The following PCDH15 variants were observed in gnomAD, a reference collection of about 807,000 sequenced individuals.
PCDH15 encodes protocadherin related 15.
Under a neutral mutation model 178.5 loss-of-function variants are expected in PCDH15, and 129 were observed. The observed-to-expected ratio is 0.72, with a 90% CI of 0.63 to 0.84. PCDH15 has a LOEUF of 0.84. Among genes scored for constraint, PCDH15 ranks in the 40% least tolerant of loss-of-function variants. PCDH15 has a pLI of 0.00. For missense variants in PCDH15, 2,230 were observed against 2,099.9 expected (o/e 1.06, Z -1.21); for synonymous variants, 800 against 732.0 (o/e 1.09, Z -1.50).
chr10:54,087,087 C>T (rs11004061), intron 16 of PCDH15, among the ~76,000 whole-genome samples: 3,703 of 152,232 alleles, frequency 0.024, 67 homozygotes, highest in Middle Eastern at 0.048. Flanking sequence ...TCTTAAGAGA[C>T]CTGGGCTTCC....
intron 2 of PCDH15, among the ~76,000 whole-genome samples, chr10:55,027,077 G>C (rs1220614656): frequency 6.6e-6 from 1 of 151,970 alleles, no homozygotes; most frequent in Non-Finnish European, 1.5e-5. Flanking sequence ...TGTAATGGAT[G>C]AAAGGTTAGC....
At chr10:54,575,743 C>A (rs540163745) in intron 2 of PCDH15, among the ~76,000 whole-genome samples, 1 of 152,198 alleles carries the variant, frequency 6.6e-6, no homozygotes, top group African/African-American at 2.4e-5. Context: ...TAGTAATAAA[C>A]AAGTCAACTG....
Position 53,846,212 on chromosome 10 carries a change from T to G in PCDH15, c.3807-5716A>C, listed in dbSNP as rs564430462. 3.8e-4 allele frequency among the ~76,000 whole-genome samples: 57 copies of G among 151,980 alleles called. 1 individual carries two copies. The highest frequency in any genetic ancestry group is 6.8e-3 in the Middle Eastern group (2 of 294). ...AAAACAGAGAACTGGCTGTGATTGG[T>G]CTTCTAAAAAGTGAAAAATATGTTA... On this transcript the variant is annotated intron_variant, in intron 28 of 37. Transcript: ENST00000644397.
intron 21 of PCDH15, among the ~76,000 whole-genome samples, chr10:53,981,064 C>A (rs915264388): frequency 6.6e-6 from 1 of 152,032 alleles, no homozygotes; most frequent in African/African-American, 2.4e-5. Context: ...ACATGAATAA[C>A]ACATGGCAGA....
intron 2 of PCDH15, among the ~76,000 whole-genome samples, chr10:54,574,919 G>T (rs955730216): frequency 6.8e-6 from 1 of 148,016 alleles, no homozygotes; most frequent in Non-Finnish European, 1.5e-5. Flanking sequence ...AACAATGATA[G>T]ACTGGATTAA....
At chr10:54,345,541 T>TA (rs886889521) in intron 6 of PCDH15, among the ~76,000 whole-genome samples, 3 of 151,656 alleles carry the variant, frequency 2.0e-5, no homozygotes, top group Admixed American at 1.3e-4. Flanking sequence ...TAGCTTCAGT[T>TA]AAAAAAAATC....
At chr10:54,245,883 C>A (rs759861520) in intron 8 of PCDH15, among the ~76,000 whole-genome samples, 1 of 151,830 alleles carries the variant, frequency 6.6e-6, no homozygotes, top group African/African-American at 2.4e-5. Context: ...GTACAATATA[C>A]AATTTGCTTT....
At chr10:53,977,218 T>C (rs367794831) in intron 21 of PCDH15, among the ~76,000 whole-genome samples, 1 of 152,182 alleles carries the variant, frequency 6.6e-6, no homozygotes, top group Non-Finnish European at 1.5e-5. Context: ...CAACAGGACC[T>C]AGACCAAGGA....
chr10:54,734,625 T>C (rs1943840035), intron 1 of PCDH15, among the ~76,000 whole-genome samples: 1 of 151,930 alleles, frequency 6.6e-6, no homozygotes, highest in Admixed American at 6.6e-5. Context: ...CCCTTATTCA[T>C]AATGGTGAAA....
chr10:55,187,257 T>C (rs964632256), intron 1 of PCDH15, among the ~76,000 whole-genome samples: 2 of 152,034 alleles, frequency 1.3e-5, no homozygotes, highest in Non-Finnish European at 2.9e-5. Flanking sequence ...ACATAGAGGA[T>C]AAACTCAGTA....
chr10:54,238,659 C>CCCCT (rs1554852986), intron 8 of PCDH15, among the ~76,000 whole-genome samples: 2 of 130,186 alleles, frequency 1.5e-5, no homozygotes, highest in East Asian at 4.4e-4. Flanking sequence ...TCCCATGCTG[C>CCCCT]CTCTCTCTCT....
chr10:54,750,131 G>A (rs925014547), intron 1 of PCDH15, among the ~76,000 whole-genome samples: 1 of 151,684 alleles, frequency 6.6e-6, no homozygotes, highest in Non-Finnish European at 1.5e-5. Flanking sequence ...CTTTCTTCCA[G>A]TTTCCTTTAT....
chr10:55,437,041 A>G (rs957924570), intron 2 of PCDH15, among the ~76,000 whole-genome samples: 2 of 152,174 alleles, frequency 1.3e-5, no homozygotes, highest in Non-Finnish European at 2.9e-5. Context: ...TGATTTCCAC[A>G]TGTGATTTTG....
At chr10:53,863,549 T>TTC (rs2079243721) in intron 27 of PCDH15, among the ~76,000 whole-genome samples, 1 of 151,568 alleles carries the variant, frequency 6.6e-6, no homozygotes, top group Non-Finnish European at 1.5e-5. Flanking sequence ...AGAGAGGGTT[T>TTC]AAGAGAGGGT....
intron 2 of PCDH15, among the ~76,000 whole-genome samples, chr10:55,162,254 C>T (rs1249417557): frequency 6.6e-6 from 1 of 152,144 alleles, no homozygotes; most frequent in Non-Finnish European, 1.5e-5. Flanking sequence ...TTTCTTTAAC[C>T]TCAGTGTTTT....
At chr10:54,973,191 T>C (rs1838980826) in intron 2 of PCDH15, among the ~76,000 whole-genome samples, 1 of 152,256 alleles carries the variant, frequency 6.6e-6, no homozygotes, top group South Asian at 2.1e-4. Context: ...TGTGGCTACA[T>C]TGTGAATAAT....
chr10:54,678,109 T>C (rs1373375988), intron 1 of PCDH15, among the ~76,000 whole-genome samples: 5 of 152,202 alleles, frequency 3.3e-5, no homozygotes, highest in Non-Finnish European at 2.9e-5. Flanking sequence ...AAGAGAAATA[T>C]TCAGAAATAT....
chr10:55,397,319 A>G (rs1173410455), intron 2 of PCDH15, among the ~76,000 whole-genome samples: 1 of 152,158 alleles, frequency 6.6e-6, no homozygotes, highest in Admixed American at 6.6e-5. Flanking sequence ...CTTATGTTCA[A>G]TGAGGCAGGT....
rs571074220 is a variant in PCDH15 at position 54,972,720 on chromosome 10, G to C, written c.-79-75220C>G. On this transcript the variant is annotated intron_variant, in intron 2 of 5. Transcript: ENST00000458638. ...AAAAATTAGCCAGGCGTGGTGGCAC[G>C]TGCCTGTAGTCCCAGCTACTTGGGA... 6.0e-5 allele frequency among the ~76,000 whole-genome samples: 9 copies of C among 151,110 alleles called. No individual in the cohort carries two copies. In the South Asian group the frequency reaches 1.9e-3, roughly 32 times the overall value.
Sources: gnomAD v4.1 joint callset for allele counts (sites outside exome capture counted in the v4.1 genomes callset) on GRCh38, gnomAD v4.1.1 for gene constraint, MANE v1.5 for transcripts, NCBI Gene and HGNC (gene_info 2026-07-23, HGNC 2026-07-21) for gene names.